The following OXSR1 variants were observed in gnomAD, a reference collection of about 807,000 sequenced individuals.
The protein encoded by OXSR1 is serine/threonine-protein kinase OSR1.
Under a neutral mutation model 79.8 loss-of-function variants are expected in OXSR1, and 24 were observed. That is an observed-to-expected ratio of 0.30 (90% CI 0.22 to 0.42). The LOEUF (loss-of-function observed/expected upper bound fraction) is 0.42, where lower values mean the gene tolerates loss of function less well. Ranked by LOEUF, OXSR1 falls within the 10% of genes least tolerant of loss-of-function variation. The pLI, the probability that OXSR1 is intolerant of heterozygous loss-of-function variation, is 1.00. For missense variants in OXSR1, 430 were observed against 618.4 expected, an observed-to-expected ratio of 0.70 and a Z score of 3.23; for synonymous variants, 226 against 209.2, an observed-to-expected ratio of 1.08 and a Z score of -0.69.
chr3:38,252,276 G>T, intron 16 of OXSR1, 52 bp from the exon 17 acceptor site: 3 of 1,236,272 alleles, frequency 2.4e-6, no homozygotes, highest in Non-Finnish European at 3.6e-6. Context: ...ATGGTTGAAA[G>T]TGGATTTATG....
At chr3:38,182,154 A>G (rs1373167373) in intron 1 of OXSR1, among the ~76,000 whole-genome samples, 1 of 151,886 alleles carries the variant, frequency 6.6e-6, no homozygotes, top group African/African-American at 2.4e-5. Flanking sequence ...TTGGAATGCT[A>G]TTTTTTTCTG....
At chr3:38,191,737 C>T (rs1002933124) in intron 3 of OXSR1, among the ~76,000 whole-genome samples, 4 of 136,612 alleles carry the variant, frequency 2.9e-5, no homozygotes, top group Non-Finnish European at 6.3e-5. Flanking sequence ...ACATTTCCCC[C>T]TTTGTAGCTA....
intron 7 of OXSR1, 27 bp downstream of exon 7, chr3:38,223,940 C>T: frequency 1.4e-6 from 2 of 1,382,234 alleles, no homozygotes; most frequent in Non-Finnish European, 2.0e-6. Context: ...AAATACTACC[C>T]CAGCTCAAGT....
chr3:38,208,065 G>T (rs1301866009), intron 4 of OXSR1, among the ~76,000 whole-genome samples: 1 of 151,100 alleles, frequency 6.6e-6, no homozygotes, highest in Non-Finnish European at 1.5e-5. Flanking sequence ...GTAATTAATT[G>T]AATTATGTTA....
intron 9 of OXSR1, 84 bp downstream of exon 9, chr3:38,229,819 T>C: frequency 9.8e-7 from 1 of 1,019,758 alleles, no homozygotes; most frequent in South Asian, 1.4e-5. Flanking sequence ...AGAAGTTGGA[T>C]GATTATGTTT....
intron 3 of OXSR1, among the ~76,000 whole-genome samples, chr3:38,194,675 G>A (rs1324210940): frequency 1.3e-5 from 2 of 152,214 alleles, no homozygotes; most frequent in African/African-American, 2.4e-5. Flanking sequence ...AGGATGGAGT[G>A]TGTATGTCTT....
At position 38,252,893 on chromosome 3, in the gene OXSR1, C is replaced by T. The variant is rs779460527; in HGVS notation, c.*2C>T. Reference sequence around the variant, plus strand: ...TTTGCCCAGCTCAGCATCAGCTAAACCACAACCCTGGAAGAGGCGGCCTAA... The same window carrying T: ...TTTGCCCAGCTCAGCATCAGCTAAATCACAACCCTGGAAGAGGCGGCCTAA... On this transcript the variant is annotated 3_prime_UTR_variant, in exon 18 of 18. Coordinates refer to ENST00000311806, the MANE Select transcript of OXSR1 (RefSeq NM_005109.3). 1 of 1,612,674 alleles carries T rather than the reference C, an allele frequency of 6.2e-7. No homozygotes were observed. The highest frequency in any genetic ancestry group is 1.3e-5 in the African/African-American group (1 of 74,862).
At chr3:38,249,117 A>G (rs915980601) in intron 14 of OXSR1, among the ~76,000 whole-genome samples, 1 of 152,190 alleles carries the variant, frequency 6.6e-6, no homozygotes, top group Non-Finnish European at 1.5e-5. Flanking sequence ...TTTTAAGCAC[A>G]ATTTCAGTAA....
intron 2 of OXSR1, 50 bp from the exon 3 acceptor site, chr3:38,190,681 T>C (rs373370012): frequency 1.9e-5 from 20 of 1,046,506 alleles, no homozygotes; most frequent in African/African-American, 3.2e-5. Context: ...CTCACAACAT[T>C]TGTTTTAGGC....
intron 10 of OXSR1, among the ~76,000 whole-genome samples, chr3:38,235,272 A>G (rs558215252): frequency 3.9e-5 from 6 of 152,332 alleles, no homozygotes; most frequent in African/African-American, 1.2e-4. Flanking sequence ...GAGAACCAGG[A>G]CCAGTACCAA....
intron 1 of OXSR1, among the ~76,000 whole-genome samples, chr3:38,174,207 A>G (rs1174949591): frequency 1.3e-5 from 2 of 152,176 alleles, no homozygotes; most frequent in Admixed American, 1.3e-4. Context: ...TGTTGTAGGA[A>G]CTTGGCTTTT....
intron 13 of OXSR1, 134 bp from the exon 14 acceptor site, chr3:38,247,534 C>T (rs1284555083): frequency 5.0e-6 from 3 of 604,208 alleles, no homozygotes; most frequent in Non-Finnish European, 9.1e-6. Flanking sequence ...AGGGAATGTC[C>T]TGGGGATTAG....
chr3:38,218,697 T>C (rs1402586709), intron 5 of OXSR1, among the ~76,000 whole-genome samples: 1 of 152,212 alleles, frequency 6.6e-6, no homozygotes, highest in Non-Finnish European at 1.5e-5. Context: ...TACTTTTTCT[T>C]TTGTTGCCTG....
At chr3:38,167,804 A>G (rs1701496478) in intron 1 of OXSR1, among the ~76,000 whole-genome samples, 1 of 152,092 alleles carries the variant, frequency 6.6e-6, no homozygotes, top group African/African-American at 2.4e-5. Flanking sequence ...TCAGAGTTTC[A>G]TATTGAAGGA....
intron 8 of OXSR1, among the ~76,000 whole-genome samples, chr3:38,226,706 C>T (rs1276900057): frequency 1.3e-5 from 2 of 151,916 alleles, no homozygotes; most frequent in South Asian, 4.2e-4. Context: ...AAACCCAAAT[C>T]GAGGAATATG....
At chr3:38,229,846 A>T in intron 9 of OXSR1, 111 bp downstream of exon 9, 1 of 827,776 alleles carries the variant, frequency 1.2e-6, no homozygotes, top group Non-Finnish European at 2.0e-6. Context: ...ATGATGGTAG[A>T]TAAAATAATT....
chr3:38,185,355 C>A lies in OXSR1; in HGVS notation c.183+2240C>A, dbSNP rs34206660. 6.6e-3 allele frequency among the ~76,000 whole-genome samples: 1,000 copies of A among 152,132 alleles called. 11 individuals are homozygous for A. Among genetic ancestry groups the A allele is most frequent in the African/African-American group, 0.023 (959 of 41,502 alleles). ...ATCCCACCACTTTGGGAGGCCAAGG[C>A]GGGTGGATCACTTGAGCCAAGGAGT... On this transcript the variant is annotated intron_variant, in intron 2 of 17. Coordinates refer to ENST00000311806, the MANE Select transcript of OXSR1 (RefSeq NM_005109.3).
intron 1 of OXSR1, among the ~76,000 whole-genome samples, chr3:38,171,354 C>G (rs759109342): frequency 1.3e-5 from 2 of 152,150 alleles, no homozygotes; most frequent in African/African-American, 4.8e-5. Flanking sequence ...TTACACTCAA[C>G]TTTTTCAGGA....
intron 3 of OXSR1, among the ~76,000 whole-genome samples, chr3:38,198,396 T>A (rs1248669166): frequency 1.3e-5 from 2 of 152,176 alleles, no homozygotes; most frequent in East Asian, 3.8e-4. Flanking sequence ...TATTGGTTTG[T>A]GGTATCTTAT....
Sources: allele counts gnomAD v4.1 joint callset (sites outside exome capture counted in the v4.1 genomes callset), GRCh38; gene constraint gnomAD v4.1.1; transcripts MANE v1.5; gene names NCBI Gene and HGNC (gene_info 2026-07-23, HGNC 2026-07-21).